Variants in TMEM64 observed in about 807,000 individuals in gnomAD.
The protein encoded by TMEM64 is transmembrane protein 64.
Under a neutral mutation model 24.5 loss-of-function variants are expected in TMEM64, and 19 were observed. The observed-to-expected ratio is 0.78, with a 90% CI of 0.54 to 1.14. The LOEUF is 1.14. TMEM64 is among the 50% of genes most tolerant of loss of function. The pLI, the probability that TMEM64 is intolerant of heterozygous loss-of-function variation, is 0.00. For missense variants in TMEM64, 487 were observed against 493.0 expected (o/e 0.99, Z 0.12); for synonymous variants, 262 against 224.7 (o/e 1.17, Z -1.49).
At chr8:90,627,755 T>C (rs1171000535) in intron 2 of TMEM64, among the ~76,000 whole-genome samples, 5 of 151,656 alleles carry the variant, frequency 3.3e-5, no homozygotes, top group African/African-American at 9.7e-5. Context: ...AAAACACAGA[T>C]ATAAGGGGTG....
chr8:90,632,446 C>G (rs931480343), intron 1 of TMEM64, among the ~76,000 whole-genome samples: 3 of 152,166 alleles, frequency 2.0e-5, no homozygotes, highest in African/African-American at 4.8e-5. Context: ...CCTCAGTCTC[C>G]CAAGTAGCTG....
rs1280806746 is a variant in TMEM64, at chr8:90,645,508, C to T, written c.398G>A (p.Cys133Tyr). 6.4e-7 allele frequency: 1 copy of T among 1,550,472 alleles called. No homozygotes were observed. Among genetic ancestry groups the T allele is most frequent in the African/African-American group, 1.4e-5 (1 of 73,050 alleles). The change falls in exon 1 of 3, where the codon TGC (cysteine) becomes TAC (tyrosine). Residue 133 changes from cysteine to tyrosine, a missense_variant. Transcript: ENST00000458549. This position sits in a 1 kb window ranked among gnomAD's most constrained non-coding sequence, Gnocchi z 4.2. ...LVLVCVLAAL[C>Y]FASLALVRRY... Reference sequence around the variant, plus strand: ...GCGGACCAGGGCCAGGGAAGCGAAGCACAGGGCGGCCAACACGCAGACCAG... The same window carrying T: ...GCGGACCAGGGCCAGGGAAGCGAAGTACAGGGCGGCCAACACGCAGACCAG...
In TMEM64 at chr8:90,645,660, CGGCAGCTCCGAAGCCTCG is replaced by C; in HGVS notation, c.228_245del (p.Ala78_Glu83del). 6.6e-7 allele frequency: 1 copy of C among 1,525,242 alleles called. No individual in the cohort carries two copies. Among genetic ancestry groups the C allele is most frequent in the Admixed American group, 2.0e-5 (1 of 49,718 alleles). The allele number at this position is 1,525,242 out of a possible 1,614,324, so 94.5% of individuals were successfully genotyped here. A position where few individuals can be genotyped will look rare whatever the true frequency, so the allele number is the denominator to read the frequency against. ...CGCCCGCCAAGGCCCCGCCCGGCTC[CGGCAGCTCCGAAGCCTCG>C]GGCGGACCGTGGCGCTCCAGATAGG... On this transcript the variant is annotated inframe_deletion, in exon 1 of 3. Coordinates refer to ENST00000458549, the MANE Select transcript of TMEM64 (RefSeq NM_001008495.4). This position sits in a 1 kb window ranked among gnomAD's most constrained non-coding sequence, Gnocchi z 4.2.
intron 1 of TMEM64, among the ~76,000 whole-genome samples, 187 bp downstream of exon 1, chr8:90,644,924 G>A (rs1213072594): frequency 6.6e-6 from 1 of 152,198 alleles, no homozygotes; most frequent in Admixed American, 6.5e-5. Flanking sequence ...TCTCTTTCGA[G>A]GCTCCGCGTT....
rs1809679849 is a variant in TMEM64, at chr8:90,645,478, T to C, written c.428A>G (p.Tyr143Cys). Residue 143 changes from tyrosine to cysteine, a missense_variant, in exon 1 of 3, where the codon TAC becomes TGC. Tyr to Cys is a radical substitution (Grantham distance 194, BLOSUM62 -2). This residue lies in a region of TMEM64 where 419 missense variants were observed against 407.5 expected (regional missense o/e 1.03). Transcript: ENST00000458549. This position sits in a 1 kb window ranked among gnomAD's most constrained non-coding sequence, Gnocchi z 4.2. ...CACCCACAGCAGGAGGTGGTGAAGG[T>C]AGCGGCGGACCAGGGCCAGGGAAGC... ...CFASLALVRRYLHHLLLWVES... is the reference protein window; with the variant it reads ...CFASLALVRRCLHHLLLWVES... 2 of 1,551,266 alleles carry C rather than the reference T, an allele frequency of 1.3e-6. No individual in the cohort carries two copies. The highest frequency in any genetic ancestry group is 2.4e-5 in the East Asian group (1 of 40,900).
In TMEM64 at chr8:90,645,672, A is replaced by G. The variant is rs1222967244; in HGVS notation, c.234T>C (p.Ala78=). 8 of 1,504,072 alleles carry G rather than the reference A, an allele frequency of 5.3e-6. No homozygotes were observed. In the African/African-American group the frequency reaches 1.1e-4, roughly 21 times the overall value. The allele number at this position is 1,504,072 out of a possible 1,614,324, so 93.2% of individuals were successfully genotyped here. A position where few individuals can be genotyped will look rare whatever the true frequency, so the allele number is the denominator to read the frequency against. ...AYLERHGPPE[A]SELPEPGGAL... ...CCCCGCCCGGCTCCGGCAGCTCCGAAGCCTCGGGCGGACCGTGGCGCTCCA... is the reference window on the plus strand; with the variant it reads ...CCCCGCCCGGCTCCGGCAGCTCCGAGGCCTCGGGCGGACCGTGGCGCTCCA... Residue 78 remains alanine, a synonymous_variant, in exon 1 of 3, where the codon GCT becomes GCC. Transcript: ENST00000458549. This position sits in a 1 kb window ranked among gnomAD's most constrained non-coding sequence, Gnocchi z 4.2.
In TMEM64 at chr8:90,645,606, C is replaced by G; in HGVS notation, c.300G>C (p.Val100=). 2 of 1,536,462 alleles carry G rather than the reference C, an allele frequency of 1.3e-6. No homozygotes were observed. Among genetic ancestry groups the G allele is most frequent in the Non-Finnish European group, 1.7e-6 (2 of 1,145,026 alleles). The change falls in exon 1 of 3, where the codon GTG becomes GTC. Residue 100 remains valine, a synonymous_variant. Coordinates refer to ENST00000458549, the MANE Select transcript of TMEM64 (RefSeq NM_001008495.4). This position sits in a 1 kb window ranked among gnomAD's most constrained non-coding sequence, Gnocchi z 4.2. Reference sequence around the variant, plus strand: ...AGTTTCTCACCTCAGCCACGCCGACCACCACGCCGCCGCCGCCACTCCCGG... The same window carrying G: ...AGTTTCTCACCTCAGCCACGCCGACGACCACGCCGCCGCCGCCACTCCCGG... ...GGPGSGGGGV[V]VGVAEVRNWR... is the part of the protein sequence containing the mutation.
chr8:90,622,144 T>A lies in TMEM64; in HGVS notation c.*3527A>T, dbSNP rs1273540099. On this transcript the variant is annotated 3_prime_UTR_variant, in exon 3 of 3. Transcript: ENST00000458549. ...TTTGCAGCAATCACTTTGCAATTCATAAGTATCAGGTTAGAATTTAGTTGT... is the reference window on the plus strand; with the variant it reads ...TTTGCAGCAATCACTTTGCAATTCAAAAGTATCAGGTTAGAATTTAGTTGT... 1.3e-5 allele frequency: 2 copies of A among 152,228 alleles called. No homozygotes were observed. Among genetic ancestry groups the A allele is most frequent in the African/African-American group, 4.8e-5 (2 of 41,452 alleles). The allele number at this position is 152,228 out of a possible 1,614,324, so 9.4% of individuals were successfully genotyped here. A position where few individuals can be genotyped will look rare whatever the true frequency, so the allele number is the denominator to read the frequency against.
At chr8:90,634,412 C>A (rs1027730060) in intron 1 of TMEM64, among the ~76,000 whole-genome samples, 24 of 152,274 alleles carry the variant, frequency 1.6e-4, no homozygotes, top group African/African-American at 5.5e-4. Context: ...TAATACGTGG[C>A]AAGGAATTTC....
chr8:90,622,282 A>T lies in TMEM64; in HGVS notation c.*3389T>A, dbSNP rs1177039068. The T allele has an allele frequency of 6.6e-6, 1 of 152,196 alleles. No individual in the cohort carries two copies. The highest frequency in any genetic ancestry group is 1.5e-5 in the Non-Finnish European group (1 of 68,034). 9.4% of individuals were successfully genotyped at this position (152,196 alleles called of 1,614,324 possible). A position where few individuals can be genotyped will look rare whatever the true frequency, so the allele number is the denominator to read the frequency against. ...TTCTAATGGCTTTTCAGATTAAAGC[A>T]ATGACTTTAAAAAGATTACATCCTA... On this transcript the variant is annotated 3_prime_UTR_variant, in exon 3 of 3. Transcript: ENST00000458549.
chr8:90,629,232 G>T (rs927488772), intron 2 of TMEM64, among the ~76,000 whole-genome samples: 2 of 152,152 alleles, frequency 1.3e-5, no homozygotes, highest in Non-Finnish European at 2.9e-5. Flanking sequence ...CCTAGGCTAA[G>T]AAATATGTGC....
At chr8:90,643,840 C>G (rs73301581) in intron 1 of TMEM64, among the ~76,000 whole-genome samples, 22,090 of 152,186 alleles carry the variant, frequency 0.15, 3,150 homozygotes, top group African/African-American at 0.37. Context: ...AACCCCTTAT[C>G]TGTTTCCACT....
In TMEM64 at chr8:90,631,465, T is replaced by C. The variant is rs1408429599; in HGVS notation, c.951+87A>G. On this transcript the variant is annotated intron_variant, in intron 2 of 2. Coordinates refer to ENST00000458549, the MANE Select transcript of TMEM64 (RefSeq NM_001008495.4). ...ATCTAAAATGGAAAAACCCTCTGAT[T>C]ATTTTCAATGAAATCTGTCAAATCA... The C allele has an allele frequency of 2.6e-6, 3 of 1,166,986 alleles. No individual in the cohort carries two copies. In the African/African-American group the frequency reaches 4.6e-5, roughly 18 times the overall value. 72.3% of individuals were successfully genotyped at this position (1,166,986 alleles called of 1,614,324 possible). A position where few individuals can be genotyped will look rare whatever the true frequency, so the allele number is the denominator to read the frequency against.
intron 2 of TMEM64, among the ~76,000 whole-genome samples, chr8:90,631,126 C>G (rs561495682): frequency 1.3e-5 from 2 of 152,110 alleles, no homozygotes; most frequent in Admixed American, 6.5e-5. Flanking sequence ...AATTTACACT[C>G]TCAACATAAC....
rs1473863191 is a variant in TMEM64, at chr8:90,624,431, A to C, written c.*1240T>G. 1.3e-5 allele frequency: 2 copies of C among 152,416 alleles called. No homozygotes were observed. The highest frequency in any genetic ancestry group is 4.8e-5 in the African/African-American group (2 of 41,458). The allele number at this position is 152,416 out of a possible 1,614,324, so 9.4% of individuals were successfully genotyped here. A position where few individuals can be genotyped will look rare whatever the true frequency, so the allele number is the denominator to read the frequency against. On this transcript the variant is annotated 3_prime_UTR_variant, in exon 3 of 3. Coordinates refer to ENST00000458549, the MANE Select transcript of TMEM64 (RefSeq NM_001008495.4). ...ATCATTAAGTTTATAAACTATTTTAAAAATAAAACGAATACATATGTAATA... is the reference window on the plus strand; with the variant it reads ...ATCATTAAGTTTATAAACTATTTTACAAATAAAACGAATACATATGTAATA...
intron 2 of TMEM64, among the ~76,000 whole-genome samples, chr8:90,630,293 G>A (rs921307917): frequency 6.6e-6 from 1 of 152,030 alleles, no homozygotes; most frequent in African/African-American, 2.4e-5. Context: ...TGTAGTTATT[G>A]TAATACTTTT....
intron 1 of TMEM64, among the ~76,000 whole-genome samples, chr8:90,641,999 T>C (rs1268147889): frequency 6.6e-6 from 1 of 152,186 alleles, no homozygotes; most frequent in Non-Finnish European, 1.5e-5. Context: ...ACCAATCTCA[T>C]TTCAAGTTTC....
intron 2 of TMEM64, among the ~76,000 whole-genome samples, chr8:90,629,878 T>C (rs993600496): frequency 3.3e-5 from 5 of 152,320 alleles, no homozygotes; most frequent in South Asian, 2.1e-4. Context: ...TTTTACTTTA[T>C]GTACTAAACT....
chr8:90,636,397 A>G (rs910569194), intron 1 of TMEM64, among the ~76,000 whole-genome samples: 8 of 152,150 alleles, frequency 5.3e-5, no homozygotes, highest in African/African-American at 1.7e-4. Flanking sequence ...CTGGGATTAC[A>G]GGTGCACACC....
Sources: gnomAD v4.1 joint callset for allele counts (sites outside exome capture counted in the v4.1 genomes callset) on GRCh38, gnomAD v4.1.1 for gene constraint, gnomAD v4.1.1 regional missense constraint, Gnocchi (gnomAD v3.1) non-coding constraint, MANE v1.5 for transcripts, NCBI Gene and HGNC (gene_info 2026-07-23, HGNC 2026-07-21) for gene names.